Variants in STAG1 observed in about 807,000 individuals in gnomAD.
STAG1 encodes cohesin subunit SA-1.
In STAG1, 26 loss-of-function variants were observed where a neutral mutation model predicts 170.9. The observed-to-expected ratio is 0.15, with a 90% CI of 0.11 to 0.21. The LOEUF (loss-of-function observed/expected upper bound fraction) is 0.21. STAG1 is among the 10% of genes least tolerant of loss of function. STAG1 has a pLI of 1.00. For missense variants in STAG1, 964 were observed against 1,509.5 expected (o/e 0.64, Z 5.99); for synonymous variants, 514 against 497.7 (o/e 1.03, Z -0.44).
intron 9 of STAG1, among the ~76,000 whole-genome samples, chr3:136,498,710 AAGACTGCATGGCAGGTAT>A (rs1933299482): frequency 6.6e-6 from 1 of 152,112 alleles, no homozygotes; most frequent in African/African-American, 2.4e-5. Flanking sequence ...AAAAAAAACA[AAGACTGCATGGCAGGTAT>A]ATGCAAATCC....
intron 5 of STAG1, among the ~76,000 whole-genome samples, chr3:136,560,301 T>C (rs929523699): frequency 2.0e-5 from 3 of 152,200 alleles, no homozygotes; most frequent in Non-Finnish European, 2.9e-5. Context: ...GGCACATCTG[T>C]CAATGAAAAC....
Position 136,748,997 on chromosome 3 carries a change from G to A in STAG1, c.-84+3198C>T, listed in dbSNP as rs183094182. On this transcript the variant is annotated intron_variant, in intron 1 of 33. Coordinates refer to ENST00000383202, the MANE Select transcript of STAG1 (RefSeq NM_005862.3). ...GCCTAGGTCCTCTCCTTGTATGTCC[G>A]GAATCTGAAGAGGTAAATGTGAAGA... Among the ~76,000 whole-genome samples the A allele has an allele frequency of 7.2e-3, 1,096 of 152,202 alleles. 14 individuals carry two copies. Among genetic ancestry groups the A allele is most frequent in the African/African-American group, 0.024 (982 of 41,522 alleles).
chr3:136,472,381 A>G, intron 12 of STAG1, 32 bp downstream of exon 12: 1 of 1,518,704 alleles, frequency 6.6e-7, no homozygotes, highest in Non-Finnish European at 9.1e-7. Context: ...TAAAATATCA[A>G]TAAAGTTAAA....
intron 3 of STAG1, among the ~76,000 whole-genome samples, chr3:136,620,415 C>T (rs2107827824): frequency 6.6e-6 from 1 of 152,332 alleles, no homozygotes; most frequent in African/African-American, 2.4e-5. Flanking sequence ...GATTAATTAA[C>T]AGCTTGGCAT....
chr3:136,739,199 T>A (rs1428360362), intron 1 of STAG1, among the ~76,000 whole-genome samples: 1 of 152,112 alleles, frequency 6.6e-6, no homozygotes, highest in Non-Finnish European at 1.5e-5. Flanking sequence ...ACTAGCTGTT[T>A]GGCCTTGGGA....
In STAG1 at chr3:136,502,565, CTAA is replaced by C. The variant is rs1933542182; in HGVS notation, c.828+60_828+62del. The C allele has an allele frequency of 8.4e-5, 128 of 1,519,236 alleles. 1 individual carries two copies. In the South Asian group the frequency reaches 1.6e-3, roughly 19 times the overall value. The allele number at this position is 1,519,236 out of a possible 1,614,324, so 94.1% of individuals were successfully genotyped here. On this transcript the variant is annotated intron_variant, in intron 8 of 33. Coordinates refer to ENST00000383202, the MANE Select transcript of STAG1 (RefSeq NM_005862.3). ...CTTTTTACAGGGAACTTAAAAAGTA[CTAA>C]TGTCATATATATTCCACACATTTAC...
intron 26 of STAG1, 48 bp from the exon 27 acceptor site, chr3:136,359,344 AAC>A (rs746069725): frequency 5.0e-5 from 70 of 1,401,874 alleles, no homozygotes; most frequent in Non-Finnish European, 6.5e-5. Flanking sequence ...CAGAATTTTA[AAC>A]AGTTATTTTC....
In STAG1 at chr3:136,389,939, C is replaced by T. The variant is rs545015697; in HGVS notation, c.2277+8810G>A. On this transcript the variant is annotated intron_variant, in intron 22 of 33. Transcript: ENST00000383202. The stretch of plus-strand genomic sequence containing the variant: ...CTCTGCCTCCCGGGTTCCAGCGATT[C>T]TTCTGCCTCAGCCTCCCGAGTAGCT... Among the ~76,000 whole-genome samples, 289 of 151,472 alleles carry T rather than the reference C, an allele frequency of 1.9e-3. 1 individual carries two copies. Among genetic ancestry groups the T allele is most frequent in the Admixed American group, 4.0e-3 (61 of 15,146 alleles).
chr3:136,625,561 T>A (rs2107833534), intron 2 of STAG1, among the ~76,000 whole-genome samples: 1 of 150,156 alleles, frequency 6.7e-6, no homozygotes, highest in African/African-American at 2.5e-5. Context: ...ACGTATGCTT[T>A]AAGTTATTAT....
intron 5 of STAG1, among the ~76,000 whole-genome samples, chr3:136,557,828 A>T (rs1257359192): frequency 6.6e-6 from 1 of 152,188 alleles, no homozygotes; most frequent in Admixed American, 6.5e-5. Context: ...CAAAAGCCAC[A>T]GGGCCTGGTC....
At chr3:136,702,390 A>G (rs183809849) in intron 1 of STAG1, among the ~76,000 whole-genome samples, 95 of 152,128 alleles carry the variant, frequency 6.2e-4, no homozygotes, top group African/African-American at 2.2e-3. Context: ...ATCACTTACA[A>G]TTTTTTCTTC....
intron 13 of STAG1, among the ~76,000 whole-genome samples, chr3:136,464,672 A>C (rs1023547958): frequency 6.6e-6 from 1 of 152,188 alleles, no homozygotes; most frequent in Non-Finnish European, 1.5e-5. Context: ...CTCAGATTTC[A>C]GAAAAAAGGA....
chr3:136,345,580 T>G (rs1466257734), intron 29 of STAG1, among the ~76,000 whole-genome samples: 1 of 151,596 alleles, frequency 6.6e-6, no homozygotes, highest in African/African-American at 2.4e-5. Context: ...TAAGCTACTA[T>G]GCCCGGCCAA....
chr3:136,517,960 A>G (rs1351880745), intron 7 of STAG1: 1 of 154,380 alleles, frequency 6.5e-6, no homozygotes, highest in East Asian at 1.9e-4. Flanking sequence ...ATGGTAAAAT[A>G]TATTCTAAAA....
At position 136,338,228 on chromosome 3, in the gene STAG1, C is replaced by T; in HGVS notation, c.*26G>A. 6.4e-7 allele frequency: 1 copy of T among 1,558,610 alleles called. No individual in the cohort carries two copies. The highest frequency in any genetic ancestry group is 8.8e-7 in the Non-Finnish European group (1 of 1,132,340). On this transcript the variant is annotated 3_prime_UTR_variant, in exon 34 of 34. Transcript: ENST00000383202. ...GCCTCTAGCTCTAAATAATAGAGTT[C>T]CAGATTTGTAAATTTTCTTCAGACT...
At chr3:136,526,155 A>T (rs561406837) in intron 6 of STAG1, among the ~76,000 whole-genome samples, 7 of 152,180 alleles carry the variant, frequency 4.6e-5, no homozygotes, top group African/African-American at 1.4e-4. Flanking sequence ...TATCCTTTTT[A>T]ACTTTCTGTC....
intron 27 of STAG1, among the ~76,000 whole-genome samples, chr3:136,358,836 A>C (rs1046333255): frequency 9.9e-5 from 15 of 152,102 alleles, no homozygotes; most frequent in Admixed American, 3.3e-4. Context: ...GGGCTCCCAA[A>C]GCACTGGGAT....
chr3:136,527,748 T>C (rs1374486464), intron 6 of STAG1, among the ~76,000 whole-genome samples: 2 of 152,236 alleles, frequency 1.3e-5, no homozygotes, highest in Admixed American at 6.5e-5. Context: ...GATGTTGACA[T>C]ACACATGGGG....
intron 1 of STAG1, among the ~76,000 whole-genome samples, chr3:136,691,972 A>G (rs1484043007): frequency 1.3e-5 from 2 of 152,168 alleles, no homozygotes; most frequent in Non-Finnish European, 2.9e-5. Flanking sequence ...AGTGAAGCAA[A>G]TAGTTACTCA....
Sources: gnomAD v4.1 joint callset for allele counts (sites outside exome capture counted in the v4.1 genomes callset) on GRCh38, gnomAD v4.1.1 for gene constraint, MANE v1.5 for transcripts, NCBI Gene and HGNC (gene_info 2026-07-23, HGNC 2026-07-21) for gene names.